TET2: variants seen among roughly 807,000 people sequenced by gnomAD.
The protein encoded by TET2 is tet methylcytosine dioxygenase 2, also known as methylcytosine dioxygenase TET2.
A neutral mutation model predicts 142.9 loss-of-function variants in TET2; 299 were observed. The ratio of observed to expected loss-of-function variants is 2.09; its 90% CI spans 1.90 to 2.30. The LOEUF is 2.30. TET2 is among the 30% of genes most tolerant of loss of function. The pLI is 0.00. For missense variants in TET2, 2,418 were observed against 2,378.0 expected (o/e 1.02, Z -0.35); for synonymous variants, 819 against 849.0 (o/e 0.96, Z 0.61).
chr4:105,265,499 A>C (rs1275099991), intron 8 of TET2, among the ~76,000 whole-genome samples: 1 of 152,190 alleles, frequency 6.6e-6, no homozygotes, highest in Non-Finnish European at 1.5e-5. Flanking sequence ...TTTGTTCAAG[A>C]AACAGAATAA....
At chr4:105,221,966 T>G in intron 2 of TET2, among the ~76,000 whole-genome samples, 1 of 148,358 alleles carries the variant, frequency 6.7e-6, no homozygotes, top group African/African-American at 2.5e-5. Flanking sequence ...TATGCGGTGT[T>G]TGGTTTTTTG....
intron 8 of TET2, among the ~76,000 whole-genome samples, chr4:105,263,486 G>A (rs1039602863): frequency 6.6e-6 from 1 of 152,168 alleles, no homozygotes; most frequent in Non-Finnish European, 1.5e-5. Flanking sequence ...GTATGGATGA[G>A]AAAAGAATTT....
At chr4:105,160,588 G>C (rs1476631569) in intron 1 of TET2, among the ~76,000 whole-genome samples, 1 of 152,148 alleles carries the variant, frequency 6.6e-6, no homozygotes, top group Non-Finnish European at 1.5e-5. Context: ...TGAAAAGTTA[G>C]CTCATTTGAC....
intron 2 of TET2, among the ~76,000 whole-genome samples, chr4:105,195,758 A>G (rs1726050882): frequency 6.6e-6 from 1 of 152,192 alleles, no homozygotes; most frequent in African/African-American, 2.4e-5. Flanking sequence ...GAATCCACAG[A>G]TGCTGGAATC....
At chr4:105,195,162 C>T (rs1477929880) in intron 2 of TET2, among the ~76,000 whole-genome samples, 1 of 152,154 alleles carries the variant, frequency 6.6e-6, no homozygotes, top group African/African-American at 2.4e-5. Flanking sequence ...TTTCACTATT[C>T]TTGTGTTTCA....
chr4:105,157,864 A>G (rs192697384), intron 1 of TET2, among the ~76,000 whole-genome samples: 47 of 152,120 alleles, frequency 3.1e-4, no homozygotes, highest in African/African-American at 1.1e-3. Flanking sequence ...TTTAGTAGAA[A>G]CAGCGTTTCG....
chr4:105,211,300 G>A (rs993420968), intron 2 of TET2, among the ~76,000 whole-genome samples: 2 of 152,022 alleles, frequency 1.3e-5, no homozygotes, highest in African/African-American at 2.4e-5. Context: ...TTCCCTCATA[G>A]CACTCATCAG....
intron 1 of TET2, among the ~76,000 whole-genome samples, chr4:105,174,293 T>A (rs1251373810): frequency 6.6e-6 from 1 of 152,210 alleles, no homozygotes; most frequent in African/African-American, 2.4e-5. Flanking sequence ...TAGACTATGA[T>A]CACAGATTTT....
Position 105,275,312 on chromosome 4 carries a change from C to A in TET2, c.4802C>A (p.Ser1601Ter). 1 of 1,552,022 alleles carries A rather than the reference C, an allele frequency of 6.4e-7. No homozygotes were observed. The highest frequency in any genetic ancestry group is 8.7e-7 in the Non-Finnish European group (1 of 1,147,060). ...AGCCCTATGAACTTCTATTCCACCTCATCTCAAGCTGCAGGTTCATATTTG... is the reference window on the plus strand; with the variant it reads ...AGCCCTATGAACTTCTATTCCACCTAATCTCAAGCTGCAGGTTCATATTTG... Reference protein sequence around the residue: ...STSPMNFYSTSSQAAGSYLNS... With the variant: ...STSPMNFYST Residue 1601 changes from serine (S) to a stop codon, truncating the protein, a stop_gained, in exon 11 of 11, where the codon TCA becomes TAA. Coordinates refer to ENST00000380013, the MANE Select transcript of TET2 (RefSeq NM_001127208.3). LOFTEE classifies it low-confidence loss of function (END_TRUNC).
At chr4:105,178,959 A>G (rs1724965039) in intron 1 of TET2, among the ~76,000 whole-genome samples, 1 of 152,186 alleles carries the variant, frequency 6.6e-6, no homozygotes, top group Non-Finnish European at 1.5e-5. Context: ...AGGAAACTTA[A>G]CAGTCATGGC....
intron 2 of TET2, among the ~76,000 whole-genome samples, chr4:105,213,849 A>G (rs990884946): frequency 3.3e-5 from 5 of 152,124 alleles, no homozygotes; most frequent in African/African-American, 7.2e-5. Context: ...CACAGGCTCA[A>G]TAAGTAATGA....
At position 105,184,462 on chromosome 4, in the gene TET2, G is replaced by T. The variant is rs549012312; in HGVS notation, c.-192-5898G>T. On this transcript the variant is annotated intron_variant, in intron 1 of 10. Transcript: ENST00000380013. ...TGTTAATTAGAAACAACCTCATATGGTGTATGCTTGTTTTTATCTTCATGG... is the reference window on the plus strand; with the variant it reads ...TGTTAATTAGAAACAACCTCATATGTTGTATGCTTGTTTTTATCTTCATGG... 6.4e-4 allele frequency among the ~76,000 whole-genome samples: 98 copies of T among 152,266 alleles called. 7 individuals carry two copies. In the South Asian group the frequency reaches 0.02, roughly 31 times the overall value.
rs377413729 is a variant in TET2 at position 105,265,235 on chromosome 4, T to C, written c.4044+3387T>C. Among the ~76,000 whole-genome samples the C allele has an allele frequency of 7.2e-5, 11 of 152,346 alleles. 1 individual carries two copies. Among genetic ancestry groups the C allele is most frequent in the African/African-American group, 2.6e-4 (11 of 41,586 alleles). ...TTCAGTGTAATAGGCACTAGCCACA[T>C]GTGGTTATTATTTAACAGTTGATAC... On this transcript the variant is annotated intron_variant, in intron 8 of 10. Transcript: ENST00000380013.
chr4:105,159,962 C>T (rs1186007765), intron 1 of TET2, among the ~76,000 whole-genome samples: 1 of 152,090 alleles, frequency 6.6e-6, no homozygotes, highest in African/African-American at 2.4e-5. Flanking sequence ...CGAGATCGCG[C>T]CACTGCACTC....
intron 10 of TET2, among the ~76,000 whole-genome samples, chr4:105,273,200 A>C (rs1285450658): frequency 6.6e-6 from 1 of 152,168 alleles, no homozygotes; most frequent in Non-Finnish European, 1.5e-5. Context: ...TTATTGTAAA[A>C]TGAACATTGT....
intron 1 of TET2, among the ~76,000 whole-genome samples, chr4:105,175,564 A>C (rs554045620): frequency 6.6e-6 from 1 of 152,168 alleles, no homozygotes; most frequent in Non-Finnish European, 1.5e-5. Flanking sequence ...AACAGAAGAG[A>C]TTATTCAAGA....
chr4:105,184,238 C>T (rs1725292720), intron 1 of TET2, among the ~76,000 whole-genome samples: 1 of 152,114 alleles, frequency 6.6e-6, no homozygotes, highest in Non-Finnish European at 1.5e-5. Context: ...TCCCTCATAA[C>T]TTCTTTTTAT....
chr4:105,195,214 T>C (rs1726013305), intron 2 of TET2, among the ~76,000 whole-genome samples: 1 of 152,164 alleles, frequency 6.6e-6, no homozygotes, highest in Non-Finnish European at 1.5e-5. Context: ...CCTCTGTTGA[T>C]CTCAGGATCT....
Position 105,278,724 on chromosome 4 carries a change from C to CA in TET2, c.*2206dup, listed in dbSNP as rs1731330562. The CA allele has an allele frequency of 4.3e-6, 1 of 232,114 alleles. No individual in the cohort carries two copies. The highest frequency in any genetic ancestry group is 8.5e-6 in the Non-Finnish European group (1 of 117,734). 14.4% of individuals were successfully genotyped at this position (232,114 alleles called of 1,614,324 possible). A position where few individuals can be genotyped will look rare whatever the true frequency, so the allele number is the denominator to read the frequency against. ...TGAGGAATCTTTTGACTGTTTCAAG[C>CA]AGGAAAAAAAAATTACATGAAAATA... On this transcript the variant is annotated 3_prime_UTR_variant, in exon 11 of 11. Transcript: ENST00000380013.
Sources: gnomAD v4.1 joint callset for allele counts (sites outside exome capture counted in the v4.1 genomes callset) on GRCh38, gnomAD v4.1.1 for gene constraint, MANE v1.5 for transcripts, NCBI Gene and HGNC (gene_info 2026-07-23, HGNC 2026-07-21) for gene names.